The following ZNF185 variants were observed in gnomAD, a reference collection of about 807,000 sequenced individuals.
ZNF185 encodes zinc finger protein 185 with LIM domain, also known as zinc finger protein 185.
Under a neutral mutation model 58.6 loss-of-function variants are expected in ZNF185, and 56 were observed. The observed-to-expected ratio is 0.95, with a 90% confidence interval of 0.77 to 1.19. The LOEUF is 1.19. Among genes scored for constraint, ZNF185 ranks in the 50% most tolerant of loss-of-function variants. The probability of loss-of-function intolerance (pLI) is 0.00; values close to 1 mark genes in which losing one functional copy is unlikely to be tolerated. For missense variants in ZNF185, 627 were observed against 573.5 expected, an observed-to-expected ratio of 1.09 and a Z score of -0.95; for synonymous variants, 230 against 215.9, an observed-to-expected ratio of 1.07 and a Z score of -0.57.
intron 15 of ZNF185, among the ~76,000 whole-genome samples, chrX:152,943,354 G>A (rs782201761): frequency 9.1e-6 from 1 of 109,581 alleles, no homozygotes; most frequent in African/African-American, 3.3e-5. Flanking sequence ...GTTAGGAGTT[G>A]ACAGTGGCTG....
intron 15 of ZNF185, among the ~76,000 whole-genome samples, chrX:152,938,725 C>T (rs782747253): frequency 2.4e-4 from 27 of 110,709 alleles, no homozygotes; most frequent in Non-Finnish European, 4.5e-4. Context: ...TACGGTTCTC[C>T]TCACAGTCTC....
In ZNF185 at chrX:152,917,490, G is replaced by A. The variant is rs993535083; in HGVS notation, c.341+128G>A. 12 of 828,363 alleles carry A rather than the reference G, an allele frequency of 1.4e-5. No individual in the cohort carries two copies. The African/African-American group carries it at 2.4e-4, about 17-fold the overall frequency. The allele number at this position is 828,363 out of a possible 1,213,427, so 68.3% of individuals were successfully genotyped here. A position where few individuals can be genotyped will look rare whatever the true frequency, so the allele number is the denominator to read the frequency against. On this transcript the variant is annotated intron_variant, in intron 5 of 22. Transcript: ENST00000449285. ...TTGGAGGTGCCAGCTTTCATCCTGG[G>A]TAGGGCAGGACCCTGGAGAGCAGGG...
chrX:152,950,371 T>C (rs1369448891), intron 16 of ZNF185, among the ~76,000 whole-genome samples: 1 of 111,943 alleles, frequency 8.9e-6, no homozygotes, highest in East Asian at 2.8e-4. Flanking sequence ...GCAATGTGAA[T>C]TTCCCATAAT....
At chrX:152,944,074 C>T (rs1372688140) in intron 15 of ZNF185, among the ~76,000 whole-genome samples, 5 of 113,052 alleles carry the variant, frequency 4.4e-5, no homozygotes, top group Admixed American at 3.7e-4. Context: ...TACTGTGTGG[C>T]GTCACACTCA....
intron 16 of ZNF185, among the ~76,000 whole-genome samples, chrX:152,951,029 C>G (rs2125821195): frequency 9.0e-6 from 1 of 111,086 alleles, no homozygotes; most frequent in Admixed American, 9.6e-5. Flanking sequence ...GCAGATGACT[C>G]AGAAGAAAAA....
rs190376617 is a variant in ZNF185 at position 152,924,668 on chromosome X, G to A, written c.830+1859G>A. Among the ~76,000 whole-genome samples, 3 of 111,632 alleles carry A rather than the reference G, an allele frequency of 2.7e-5. No homozygotes were observed. In the Admixed American group the frequency reaches 2.8e-4, roughly 11 times the overall value. On this transcript the variant is annotated intron_variant, in intron 11 of 22. Transcript: ENST00000449285. ...AATAAATGGTTTCAGGTGCCTTTCT[G>A]TTTGTTCGTTTGTTTGTTTTGTTTG...
intron 6 of ZNF185, 52 bp downstream of exon 7, chrX:152,918,206 C>T (rs1556867409): frequency 4.3e-6 from 5 of 1,150,333 alleles, no homozygotes; most frequent in South Asian, 1.9e-5. Flanking sequence ...AGGAACAAGT[C>T]CAAACTCTGG....
intron 17 of ZNF185, 135 bp downstream of exon 19, chrX:152,960,031 G>A (rs2125913368): frequency 3.4e-6 from 2 of 590,301 alleles, no homozygotes; most frequent in South Asian, 4.0e-5. Flanking sequence ...GGAGCCAGAG[G>A]GAAGGAGAGA....
chrX:152,940,210 CA>C (rs1245690172), intron 15 of ZNF185, among the ~76,000 whole-genome samples: 1 of 110,787 alleles, frequency 9.0e-6, no homozygotes, highest in Non-Finnish European at 1.9e-5. Flanking sequence ...AATTCTGAGC[CA>C]AATGTTAGGA....
At chrX:152,940,397 G>T (rs782340068) in intron 15 of ZNF185, among the ~76,000 whole-genome samples, 1 of 83,881 alleles carries the variant, frequency 1.2e-5, no homozygotes, top group Non-Finnish European at 2.3e-5. Flanking sequence ...CAGAAAGGCC[G>T]GACACCTCAA....
chrX:152,900,674 T>A, the ZNF185 span, among the ~76,000 whole-genome samples: 1 of 112,519 alleles, frequency 8.9e-6, no homozygotes, highest in Non-Finnish European at 1.9e-5. Flanking sequence ...TGAGAGATGC[T>A]CAGGAGAGGT....
intron 19 of ZNF185, 21 bp downstream of exon 21, chrX:152,965,548 C>T (rs782218220): frequency 3.1e-5 from 36 of 1,145,372 alleles, no homozygotes; most frequent in Non-Finnish European, 4.1e-5. Flanking sequence ...GTCCCAAACC[C>T]TTCCATGTCG....
Position 152,950,645 on chromosome X carries a change from C to T in ZNF185, c.1409+5181C>T, listed in dbSNP as rs782163811. Among the ~76,000 whole-genome samples the T allele has an allele frequency of 5.4e-5, 6 of 111,494 alleles. No homozygotes were observed. In the South Asian group the frequency reaches 1.5e-3, roughly 28 times the overall value. ...TAAATAAGACTAATTAGTTTTTGCACCTTTCTTGTTACAAGGTGAAAGAAC... is the reference window on the plus strand; with the variant it reads ...TAAATAAGACTAATTAGTTTTTGCATCTTTCTTGTTACAAGGTGAAAGAAC... On this transcript the variant is annotated intron_variant, in intron 16 of 22. Coordinates refer to ENST00000449285, the Ensembl canonical transcript of ZNF185.
At chrX:152,917,778 A>G in intron 5 of ZNF185, 1 of 1,016,959 alleles carries the variant, frequency 9.8e-7, no homozygotes, top group Non-Finnish European at 1.3e-6. Context: ...CCTTGGCATC[A>G]GGCATTGCCT....
chrX:152,914,582 T>C, intron 1 of ZNF185, 59 bp downstream of exon 2: 1 of 1,150,155 alleles, frequency 8.7e-7, no homozygotes, highest in Non-Finnish European at 1.2e-6. Flanking sequence ...CTTCCAAGCC[T>C]GCCCCTACAG....
chrX:152,917,193 G>T, intron 4 of ZNF185, 24 bp downstream of exon 5: 2 of 1,211,198 alleles, frequency 1.7e-6, no homozygotes, highest in South Asian at 3.5e-5. Flanking sequence ...GGACTCTGCC[G>T]GCCTTCCTGT....
At chrX:152,967,207 C>A (rs1556915404) in exon 20 of ZNF185, 1 of 1,211,472 alleles carries the variant, frequency 8.3e-7, no homozygotes. Context: ...GGAGAAGAAG[C>A]CTCCATGTGG....
intron 16 of ZNF185, among the ~76,000 whole-genome samples, chrX:152,951,832 G>A (rs1329786155): frequency 8.9e-6 from 1 of 111,933 alleles, no homozygotes; most frequent in Non-Finnish European, 1.9e-5. Flanking sequence ...AAAGCAAAAA[G>A]TATATAAACT....
Position 152,959,964 on chromosome X carries a change from GGACAAACCCCCACACAC to G in ZNF185, c.1607+69_1607+85del, listed in dbSNP as rs1454337746. 4.8e-6 allele frequency: 5 copies of G among 1,045,260 alleles called. No homozygotes were observed. The Admixed American group carries it at 1.1e-4, about 22-fold the overall frequency. 86.1% of individuals were successfully genotyped at this position (1,045,260 alleles called of 1,213,427 possible). A position where few individuals can be genotyped will look rare whatever the true frequency, so the allele number is the denominator to read the frequency against. On this transcript the variant is annotated intron_variant, in intron 17 of 22. Transcript: ENST00000449285. ...TGTTTTTGTCCAGGGCAGCAACCCA[GGACAAACCCCCACACAC>G]TAGGCATGCCTGTTTATCCTCTGCA...
Sources: gnomAD v4.1 joint callset for allele counts (sites outside exome capture counted in the v4.1 genomes callset) on GRCh38, gnomAD v4.1.1 for gene constraint, MANE v1.5 for transcripts, NCBI Gene and HGNC (gene_info 2026-07-23, HGNC 2026-07-21) for gene names.